NXPE2: variants seen among roughly 807,000 people sequenced by gnomAD.
NXPE2 encodes the protein NXPE family member 2.
A neutral mutation model predicts 34.4 loss-of-function variants in NXPE2; 34 were observed. The ratio of observed to expected loss-of-function variants is 0.99; its 90% CI spans 0.75 to 1.31. NXPE2 has a LOEUF of 1.31. NXPE2 is among the 40% of genes most tolerant of loss of function. The probability of loss-of-function intolerance (pLI) is 0.00; values close to 1 mark genes in which losing one functional copy is unlikely to be tolerated. For missense variants in NXPE2, 649 were observed against 672.5 expected (o/e 0.97, Z 0.39); for synonymous variants, 235 against 231.3 (o/e 1.02, Z -0.15).
chr11:114,802,778 T>G, the NXPE2 span, among the ~76,000 whole-genome samples: 2 of 152,202 alleles, frequency 1.3e-5, no homozygotes, highest in African/African-American at 4.8e-5. Flanking sequence ...GTTTTAGTTC[T>G]TCCTCTTGTT....
At chr11:114,633,456 CTTTT>C in the NXPE2 span, among the ~76,000 whole-genome samples, 2 of 143,458 alleles carry the variant, frequency 1.4e-5, no homozygotes, top group African/African-American at 5.1e-5. Flanking sequence ...TATATTTTTT[CTTTT>C]TTTTATTTTA....
At chr11:114,727,381 C>T in the NXPE2 span, among the ~76,000 whole-genome samples, 1 of 151,988 alleles carries the variant, frequency 6.6e-6, no homozygotes, top group East Asian at 1.9e-4. Flanking sequence ...TAATTCCATT[C>T]ATGAGGGCTC....
the NXPE2 span, among the ~76,000 whole-genome samples, chr11:114,811,097 A>T: frequency 2.0e-5 from 3 of 149,500 alleles, no homozygotes; most frequent in Non-Finnish European, 3.0e-5. Flanking sequence ...AAAAAACCAA[A>T]CACCGCATGT....
At chr11:114,582,346 A>T in the NXPE2 span, 1 of 1,611,590 alleles carries the variant, frequency 6.2e-7, no homozygotes. Flanking sequence ...TTCTTAGAAT[A>T]CATGTGAGTG....
the NXPE2 span, among the ~76,000 whole-genome samples, chr11:114,603,522 C>T: frequency 2.0e-5 from 3 of 150,852 alleles, no homozygotes; most frequent in Non-Finnish European, 4.4e-5. Flanking sequence ...TAAGTATTGC[C>T]TCGTCTCCCA....
At chr11:114,682,817 C>A (rs1950971478) in intron 2 of NXPE2, among the ~76,000 whole-genome samples, 1 of 150,030 alleles carries the variant, frequency 6.7e-6, no homozygotes, top group Non-Finnish European at 1.5e-5. Context: ...ACATTGCTAG[C>A]ATAAGGCCAC....
the NXPE2 span, among the ~76,000 whole-genome samples, chr11:114,775,952 G>C: frequency 6.6e-6 from 1 of 151,988 alleles, no homozygotes; most frequent in Non-Finnish European, 1.5e-5. Flanking sequence ...AATCCAGTCT[G>C]GCCACAGTGA....
chr11:114,651,908 G>A, the NXPE2 span, among the ~76,000 whole-genome samples: 1 of 152,122 alleles, frequency 6.6e-6, no homozygotes, highest in East Asian at 1.9e-4. Flanking sequence ...TAGCAAAACA[G>A]AAACCATAAA....
the NXPE2 span, among the ~76,000 whole-genome samples, chr11:114,773,011 C>A: frequency 6.6e-6 from 1 of 152,032 alleles, no homozygotes; most frequent in African/African-American, 2.4e-5. Flanking sequence ...AGAATACATC[C>A]TTGTGTGGTT....
the NXPE2 span, among the ~76,000 whole-genome samples, chr11:114,735,724 T>C: frequency 6.6e-6 from 1 of 152,156 alleles, no homozygotes; most frequent in African/African-American, 2.4e-5. Context: ...TCATATATAG[T>C]AGGAAAGTAG....
the NXPE2 span, among the ~76,000 whole-genome samples, chr11:114,597,675 A>G: frequency 6.6e-6 from 1 of 151,948 alleles, no homozygotes; most frequent in Non-Finnish European, 1.5e-5. Context: ...GGTTGATTCC[A>G]TCACTTTGTC....
At chr11:114,776,846 T>G in the NXPE2 span, among the ~76,000 whole-genome samples, 1 of 152,202 alleles carries the variant, frequency 6.6e-6, no homozygotes, top group Non-Finnish European at 1.5e-5. Context: ...TGTTAGTCTA[T>G]CAGTAGTTTT....
chr11:114,801,860 G>A, the NXPE2 span, among the ~76,000 whole-genome samples: 1 of 152,148 alleles, frequency 6.6e-6, no homozygotes, highest in Admixed American at 6.5e-5. Context: ...GGGCAGAGAG[G>A]AGAGGAGAGG....
chr11:114,515,782 TCAGGTGA>T, the NXPE2 span, among the ~76,000 whole-genome samples: 1 of 98,872 alleles, frequency 1.0e-5, no homozygotes, highest in African/African-American at 6.3e-5. Context: ...GTAGAGCAAT[TCAGGTGA>T]TAACAGGGTT....
At chr11:114,810,257 A>T in the NXPE2 span, among the ~76,000 whole-genome samples, 1 of 150,994 alleles carries the variant, frequency 6.6e-6, no homozygotes, top group Non-Finnish European at 1.5e-5. Context: ...AACCTAGGCA[A>T]TACCATTCAG....
the NXPE2 span, among the ~76,000 whole-genome samples, chr11:114,602,892 A>G: frequency 6.7e-6 from 1 of 148,478 alleles, no homozygotes; most frequent in Non-Finnish European, 1.5e-5. Context: ...ATAATTATCT[A>G]ATATATAATT....
the NXPE2 span, among the ~76,000 whole-genome samples, chr11:114,545,891 A>G: frequency 1.3e-5 from 2 of 151,886 alleles, no homozygotes; most frequent in African/African-American, 4.8e-5. Flanking sequence ...GAATGTCACC[A>G]TGTTGGCCAG....
At chr11:114,472,390 TA>T in the NXPE2 span, among the ~76,000 whole-genome samples, 64,725 of 150,682 alleles carry the variant, frequency 0.43, 14,232 homozygotes, top group African/African-American at 0.5. Context: ...GCTGAGGAGC[TA>T]AAAAAAAAAT....
chr11:114,662,377 C>T, the NXPE2 span, among the ~76,000 whole-genome samples: 8 of 152,148 alleles, frequency 5.3e-5, no homozygotes, highest in East Asian at 7.7e-4. Context: ...ATTACCCATC[C>T]GGGTTGTTGG....
Sources: allele counts gnomAD v4.1 joint callset (sites outside exome capture counted in the v4.1 genomes callset), GRCh38; gene constraint gnomAD v4.1.1; transcripts MANE v1.5; gene names NCBI Gene and HGNC (gene_info 2026-07-23, HGNC 2026-07-21).